The following UGT2B4 variants were observed in gnomAD, a reference collection of about 807,000 sequenced individuals.
UGT2B4 encodes UDP glucuronosyltransferase family 2 member B4.
UGT2B4 carries 49 observed loss-of-function variants against 49.8 expected under a neutral mutation model. The observed-to-expected ratio is 0.98, with a 90% CI of 0.78 to 1.25. The LOEUF (loss-of-function observed/expected upper bound fraction) is 1.25. UGT2B4 is among the 50% of genes most tolerant of loss of function. UGT2B4 has a pLI of 0.00. For synonymous variants in UGT2B4, 246 were observed against 217.7 expected (o/e 1.13, Z -1.14); for missense variants, 729 against 627.7 (o/e 1.16, Z -1.73).
chr4:69,525,829 A>G, exon 1 of UGT2B4: 1 of 877,610 alleles, frequency 1.1e-6, no homozygotes, highest in Non-Finnish European at 1.5e-6. Context: ...AGGCTGGGCG[A>G]GGTGGCTCAC....
At chr4:69,483,708 G>A (rs1727680545) in intron 5 of UGT2B4, among the ~76,000 whole-genome samples, 1 of 151,884 alleles carries the variant, frequency 6.6e-6, no homozygotes, top group South Asian at 2.1e-4. Context: ...ATTATTAATA[G>A]TAGTTATGAA....
chr4:69,495,762 T>C lies in UGT2B4; in HGVS notation c.100A>G (p.Ser34Gly). 1 of 1,614,056 alleles carries C rather than the reference T, an allele frequency of 6.2e-7. No individual in the cohort carries two copies. Among genetic ancestry groups the C allele is most frequent in the South Asian group, 1.1e-5 (1 of 91,082 alleles). Residue 34 changes from serine (S) to glycine (G), a missense_variant, in exon 1 of 6, where the codon AGC (serine) becomes GGC (glycine). Ser to Gly is a moderately conservative substitution (Grantham distance 56). Transcript: ENST00000305107. ...ATTGTCTTTATATTCATCCAGTGGCTGAATTCTGTGGGCCACACCAGCACC... is the reference window on the plus strand; with the variant it reads ...ATTGTCTTTATATTCATCCAGTGGCCGAATTCTGTGGGCCACACCAGCACC... ...GKVLVWPTEF[S>G]HWMNIKTILD...
In UGT2B4 at chr4:69,508,163, T is replaced by G. The variant is rs577686148; in HGVS notation, c.-105-12197A>C. Among the ~76,000 whole-genome samples the G allele has an allele frequency of 2.6e-5, 4 of 152,188 alleles. No individual in the cohort carries two copies. In the East Asian group the frequency reaches 7.7e-4, roughly 29 times the overall value. ...CAATGAGATACCAACTCACACCAGTTAGAATGGCTATTATTAAAAAATAAA... is the reference window on the plus strand; with the variant it reads ...CAATGAGATACCAACTCACACCAGTGAGAATGGCTATTATTAAAAAATAAA... On this transcript the variant is annotated intron_variant, in intron 1 of 1. Transcript: ENST00000510114.
intron 1 of UGT2B4, among the ~76,000 whole-genome samples, chr4:69,521,617 T>C (rs1728851722): frequency 6.6e-6 from 1 of 152,190 alleles, no homozygotes; most frequent in Admixed American, 6.6e-5. Context: ...TAGCTTGATG[T>C]TGGCAGGTGT....
chr4:69,496,441 G>A (rs904538700), upstream of UGT2B4, among the ~76,000 whole-genome samples: 3 of 152,210 alleles, frequency 2.0e-5, no homozygotes, highest in African/African-American at 7.2e-5. Context: ...AGAGGCTCAT[G>A]TTCCTGCAGT....
intron 5 of UGT2B4, among the ~76,000 whole-genome samples, chr4:69,484,030 T>A (rs1354325522): frequency 1.3e-5 from 2 of 152,190 alleles, no homozygotes; most frequent in African/African-American, 4.8e-5. Flanking sequence ...TGTATATGCA[T>A]GGTCAGTAAC....
chr4:69,498,013 A>G (rs1024124363), upstream of UGT2B4, among the ~76,000 whole-genome samples: 1 of 152,244 alleles, frequency 6.6e-6, no homozygotes, highest in Non-Finnish European at 1.5e-5. Flanking sequence ...CCACGAAGAA[A>G]AAAGTTTACA....
At chr4:69,518,739 G>T (rs1490315954) in intron 1 of UGT2B4, among the ~76,000 whole-genome samples, 1 of 152,078 alleles carries the variant, frequency 6.6e-6, no homozygotes, top group African/African-American at 2.4e-5. Context: ...TGCCCAATAA[G>T]TCCAGGGTTC....
intron 1 of UGT2B4, among the ~76,000 whole-genome samples, chr4:69,516,264 G>A (rs929340542): frequency 1.3e-5 from 2 of 152,090 alleles, no homozygotes; most frequent in African/African-American, 2.4e-5. Flanking sequence ...TCCATGTTTT[G>A]CCATTATGAA....
intron 4 of UGT2B4, 34 bp downstream of exon 4, chr4:69,486,575 T>C: frequency 7.2e-7 from 1 of 1,389,626 alleles, no homozygotes. Flanking sequence ...AATCTGTTAC[T>C]AATATATTCA....
intron 1 of UGT2B4, among the ~76,000 whole-genome samples, chr4:69,511,339 G>T (rs1284740919): frequency 2.0e-5 from 3 of 151,976 alleles, no homozygotes; most frequent in Admixed American, 1.3e-4. Context: ...TTTGTTGAGA[G>T]ACTTTTTTCT....
At chr4:69,486,426 G>A in intron 4 of UGT2B4, 183 bp downstream of exon 4, 1 of 369,740 alleles carries the variant, frequency 2.7e-6, no homozygotes, top group Non-Finnish European at 4.8e-6. Context: ...GAATGTGGGT[G>A]CATATCATAA....
chr4:69,513,506 G>A (rs1468138396), intron 1 of UGT2B4, among the ~76,000 whole-genome samples: 2 of 152,184 alleles, frequency 1.3e-5, no homozygotes, highest in Non-Finnish European at 2.9e-5. Flanking sequence ...ATAGTTTGAA[G>A]TCAGGTAGTG....
In UGT2B4 at chr4:69,488,324, A is replaced by G. The variant is rs141173519; in HGVS notation, c.1002+1115T>C. 2.2e-3 allele frequency among the ~76,000 whole-genome samples: 339 copies of G among 152,250 alleles called. 2 individuals carry two copies. Among genetic ancestry groups the G allele is most frequent in the Admixed American group, 4.3e-3 (66 of 15,276 alleles). ...GTGCTACAAAATTTTGACAACAGTG[A>G]TTCGTATGTTTTGCTATAGCTGAGA... On this transcript the variant is annotated intron_variant, in intron 3 of 5. Coordinates refer to ENST00000305107, the MANE Select transcript of UGT2B4 (RefSeq NM_021139.3).
chr4:69,495,273 C>G lies in UGT2B4; in HGVS notation c.589G>C (p.Val197Leu). 1 of 1,613,502 alleles carries G rather than the reference C, an allele frequency of 6.2e-7. No individual in the cohort carries two copies. Among genetic ancestry groups the G allele is most frequent in the Non-Finnish European group, 8.5e-7 (1 of 1,179,762 alleles). Residue 197 changes from valine to leucine, a missense_variant, in exon 1 of 6, where the codon GTT becomes CTT. Transcript: ENST00000305107. Reference protein sequence around the residue: ...LLFPPSYVPVVMSELSDQMTF... With the variant: ...LLFPPSYVPVLMSELSDQMTF... Reference sequence around the variant, plus strand: ...ATTTGGTCACTTAGTTCTGACATAACAACAGGCACATAGGAAGGAGGGAAC... The same window carrying G: ...ATTTGGTCACTTAGTTCTGACATAAGAACAGGCACATAGGAAGGAGGGAAC...
rs1727562446 is a variant in UGT2B4 at position 69,480,820 on chromosome 4, G to A, written c.1401C>T (p.Val467=). ...GGTGCTTGGCTCCTTTATGGCGCAT[G>A]ACAAATTCAATCCAGAAGACTGCTC... ...LDRAVFWIEF[V]MRHKGAKHLR... The change falls in exon 6 of 6, where the codon GTC becomes GTT. Residue 467 remains valine, a synonymous_variant. Coordinates refer to ENST00000305107, the MANE Select transcript of UGT2B4 (RefSeq NM_021139.3). The A allele has an allele frequency of 6.2e-7, 1 of 1,613,896 alleles. No homozygotes were observed. Among genetic ancestry groups the A allele is most frequent in the African/African-American group, 1.3e-5 (1 of 75,016 alleles).
rs1031022131 is a variant in UGT2B4 at position 69,480,384 on chromosome 4, G to A, written c.*250C>T. 15 of 435,370 alleles carry A rather than the reference G, an allele frequency of 3.4e-5. No individual in the cohort carries two copies. The highest frequency in any genetic ancestry group is 2.8e-4 in the African/African-American group (14 of 50,446). The allele number at this position is 435,370 out of a possible 1,614,324, so 27.0% of individuals were successfully genotyped here. On this transcript the variant is annotated 3_prime_UTR_variant, in exon 6 of 6. Coordinates refer to ENST00000305107, the MANE Select transcript of UGT2B4 (RefSeq NM_021139.3). ...ATTGGAACAATAAATTTCAATATAA[G>A]CTCAATACATTTCAATATAACCTCA...
chr4:69,481,680 C>T (rs1293668233), intron 5 of UGT2B4, among the ~76,000 whole-genome samples: 3 of 152,106 alleles, frequency 2.0e-5, no homozygotes, highest in Admixed American at 2.0e-4. Flanking sequence ...AGTTACACTC[C>T]TTTAGTTCTC....
At chr4:69,499,036 G>A (rs937025961), upstream of UGT2B4, among the ~76,000 whole-genome samples, 6 of 152,066 alleles carry the variant, frequency 3.9e-5, no homozygotes, top group Admixed American at 6.6e-5. Flanking sequence ...TGCTTTAGCC[G>A]CATCTCAGAG....
Sources: allele counts gnomAD v4.1 joint callset (sites outside exome capture counted in the v4.1 genomes callset), GRCh38; gene constraint gnomAD v4.1.1; transcripts MANE v1.5; gene names NCBI Gene and HGNC (gene_info 2026-07-23, HGNC 2026-07-21).